The following UNC13C variants were observed in gnomAD, a reference collection of about 807,000 sequenced individuals.
The protein encoded by UNC13C is unc-13 homolog C.
UNC13C carries 174 observed loss-of-function variants against 245.4 expected under a neutral mutation model. The observed-to-expected ratio is 0.71, with a 90% CI of 0.63 to 0.80. The LOEUF (loss-of-function observed/expected upper bound fraction) is 0.80. UNC13C is among the 30% of genes least tolerant of loss of function. The pLI is 0.00. For synonymous variants in UNC13C, 992 were observed against 895.1 expected (o/e 1.11, Z -1.93); for missense variants, 2,829 against 2,602.9 (o/e 1.09, Z -1.89).
rs755572963 is a variant in UNC13C at position 54,623,960 on chromosome 15, T to C, written c.6359+6T>C. On this transcript the variant is annotated splice_donor_region_variant and intron_variant, in intron 32 of 32. Transcript: ENST00000260323. ...TACAATGAAACATTTCAGTTGTAAG[T>C]CATAAACCCACCTTACTTATTCTAC... The C allele has an allele frequency of 6.2e-7, 1 of 1,612,866 alleles. No homozygotes were observed. Among genetic ancestry groups the C allele is most frequent in the African/African-American group, 1.3e-5 (1 of 74,978 alleles).
intron 10 of UNC13C, among the ~76,000 whole-genome samples, chr15:54,281,724 C>T (rs1024639645): frequency 1.5e-4 from 23 of 152,128 alleles, no homozygotes; most frequent in African/African-American, 5.6e-4. Flanking sequence ...CACATTAATC[C>T]ATTTAATTCT....
intron 4 of UNC13C, among the ~76,000 whole-genome samples, chr15:54,174,862 T>G (rs1319595442): frequency 6.6e-6 from 1 of 152,214 alleles, no homozygotes; most frequent in East Asian, 1.9e-4. Context: ...CCTCTTGATT[T>G]CAATTTAATT....
intron 2 of UNC13C, among the ~76,000 whole-genome samples, chr15:54,063,649 T>G (rs1897943915): frequency 6.6e-6 from 1 of 152,208 alleles, no homozygotes; most frequent in South Asian, 2.1e-4. Flanking sequence ...GAAGATTCTG[T>G]CTTGAATGAA....
chr15:54,375,760 C>G (rs1019463023), intron 17 of UNC13C, among the ~76,000 whole-genome samples: 1 of 152,110 alleles, frequency 6.6e-6, no homozygotes, highest in African/African-American at 2.4e-5. Flanking sequence ...GCGTGAGGAC[C>G]CTGAACTCAG....
intron 30 of UNC13C, among the ~76,000 whole-genome samples, chr15:54,601,622 C>T (rs771008941): frequency 3.9e-5 from 6 of 152,152 alleles, no homozygotes; most frequent in Admixed American, 2.6e-4. Context: ...TTCTGATGAT[C>T]ACAGAGAGTA....
chr15:54,374,350 C>T (rs2039558827), intron 17 of UNC13C, among the ~76,000 whole-genome samples: 1 of 152,114 alleles, frequency 6.6e-6, no homozygotes, highest in African/African-American at 2.4e-5. Context: ...TACTGAGGGA[C>T]ACCTGCAGGC....
At chr15:53,955,238 CTA>C in the UNC13C span, among the ~76,000 whole-genome samples, 2 of 150,362 alleles carry the variant, frequency 1.3e-5, no homozygotes, top group South Asian at 2.1e-4. Flanking sequence ...TCCTTTTGTA[CTA>C]TGATATCAAA....
chr15:53,972,402 A>G, the UNC13C span, among the ~76,000 whole-genome samples: 1 of 152,228 alleles, frequency 6.6e-6, no homozygotes, highest in Admixed American at 6.5e-5. Flanking sequence ...ATGTCCAATC[A>G]TATTAAATAA....
chr15:54,201,601 AT>A (rs1468015604), intron 4 of UNC13C, among the ~76,000 whole-genome samples: 1 of 152,020 alleles, frequency 6.6e-6, no homozygotes, highest in Non-Finnish European at 1.5e-5. Context: ...AAAGCATTCG[AT>A]GAAATCTAGG....
the UNC13C span, among the ~76,000 whole-genome samples, chr15:53,931,860 C>T: frequency 2.4e-4 from 37 of 152,096 alleles, no homozygotes; most frequent in South Asian, 2.1e-4. Flanking sequence ...GTGCTGTCAA[C>T]GGTTCATATC....
At chr15:54,415,161 A>C in intron 19 of UNC13C, 94 bp downstream of exon 19, 1 of 886,244 alleles carries the variant, frequency 1.1e-6, no homozygotes, top group Non-Finnish European at 1.7e-6. Flanking sequence ...TGAAACATTA[A>C]AACACTGATT....
chr15:54,550,655 T>C (rs1896695009), intron 28 of UNC13C, among the ~76,000 whole-genome samples: 1 of 152,144 alleles, frequency 6.6e-6, no homozygotes, highest in Non-Finnish European at 1.5e-5. Flanking sequence ...AAACCAGTAA[T>C]CCATCTGGAA....
chr15:54,059,221 C>T (rs36171568), intron 2 of UNC13C, among the ~76,000 whole-genome samples: 149,210 of 152,160 alleles, frequency 0.98, 73,232 homozygotes, highest in Middle Eastern at 1. Context: ...ACCCCATTAG[C>T]CTCAGCCCAA....
chr15:53,995,946 G>A (rs537975685), intron 1 of UNC13C, among the ~76,000 whole-genome samples: 1 of 152,174 alleles, frequency 6.6e-6, no homozygotes. Flanking sequence ...GCAGTAGCTG[G>A]AGGAGGTAAT....
the UNC13C span, among the ~76,000 whole-genome samples, chr15:53,860,398 G>A: frequency 6.6e-6 from 1 of 152,148 alleles, no homozygotes; most frequent in Non-Finnish European, 1.5e-5. Flanking sequence ...AGAAGTCATT[G>A]GTCCATCATC....
intron 2 of UNC13C, chr15:54,049,985 T>A: frequency 9.2e-6 from 2 of 216,656 alleles, no homozygotes; most frequent in Non-Finnish European, 1.9e-5. Flanking sequence ...GGTTTCTTTT[T>A]GTGAGACAGA....
chr15:54,587,319 C>A (rs918343456), intron 30 of UNC13C, among the ~76,000 whole-genome samples: 44 of 152,124 alleles, frequency 2.9e-4, no homozygotes, highest in African/African-American at 8.9e-4. Context: ...TTCACAAAAC[C>A]CGTGAAACAT....
chr15:54,177,624 G>A (rs1448640107), intron 4 of UNC13C, among the ~76,000 whole-genome samples: 2 of 152,222 alleles, frequency 1.3e-5, no homozygotes, highest in East Asian at 1.9e-4. Flanking sequence ...TGTCTTCTGT[G>A]AGTCTGTTTC....
intron 17 of UNC13C, among the ~76,000 whole-genome samples, chr15:54,378,617 T>G (rs891878816): frequency 6.6e-6 from 1 of 151,534 alleles, no homozygotes; most frequent in Non-Finnish European, 1.5e-5. Context: ...AATATAGAAA[T>G]ATATATGTAT....
Sources: allele counts gnomAD v4.1 joint callset (sites outside exome capture counted in the v4.1 genomes callset), GRCh38; gene constraint gnomAD v4.1.1; transcripts MANE v1.5; gene names NCBI Gene and HGNC (gene_info 2026-07-23, HGNC 2026-07-21).